POU3F3: variants seen among roughly 807,000 people sequenced by gnomAD.
POU3F3 encodes the protein POU domain, class 3, transcription factor 3.
In POU3F3, 1 loss-of-function variant was observed where a neutral mutation model predicts 8.6. That is an observed-to-expected ratio of 0.12 (90% CI 0.04 to 0.55). The LOEUF is 0.55. Among genes scored for constraint, POU3F3 ranks in the 20% least tolerant of loss-of-function variants. The pLI, the probability that POU3F3 is intolerant of heterozygous loss-of-function variation, is 0.91. For synonymous variants in POU3F3, 418 were observed against 327.4 expected, an observed-to-expected ratio of 1.28 and a Z score of -2.99; for missense variants, 577 against 690.7, an observed-to-expected ratio of 0.84 and a Z score of 1.84.
At chr2:104,869,192 C>A in the POU3F3 span, among the ~76,000 whole-genome samples, 1 of 152,142 alleles carries the variant, frequency 6.6e-6, no homozygotes, top group Non-Finnish European at 1.5e-5. Flanking sequence ...AGGTGGATTC[C>A]GGCTGGGAAA....
the POU3F3 span, among the ~76,000 whole-genome samples, chr2:104,900,102 T>C: frequency 5.9e-5 from 9 of 152,132 alleles, no homozygotes; most frequent in African/African-American, 1.9e-4. Flanking sequence ...AGGCCTTTGA[T>C]GAAAATGGGC....
At chr2:104,917,869 G>A in the POU3F3 span, among the ~76,000 whole-genome samples, 6 of 152,156 alleles carry the variant, frequency 3.9e-5, no homozygotes, top group Admixed American at 2.6e-4. Flanking sequence ...CTAAGCAGCA[G>A]AGTTGGGGAA....
the POU3F3 span, among the ~76,000 whole-genome samples, chr2:104,903,624 T>A: frequency 6.6e-6 from 1 of 152,318 alleles, no homozygotes; most frequent in Non-Finnish European, 1.5e-5. Context: ...TTAAGTCAAC[T>A]TTAACACAGA....
At chr2:104,878,036 G>T in the POU3F3 span, among the ~76,000 whole-genome samples, 4 of 152,300 alleles carry the variant, frequency 2.6e-5, no homozygotes, top group East Asian at 1.9e-4. Flanking sequence ...AGAAGGACAG[G>T]TTCCTTCACC....
chr2:104,914,561 A>G, the POU3F3 span, among the ~76,000 whole-genome samples: 2 of 152,156 alleles, frequency 1.3e-5, no homozygotes, highest in Non-Finnish European at 2.9e-5. Context: ...TATTGCTATG[A>G]AATTACATTA....
At chr2:104,899,163 A>C in the POU3F3 span, among the ~76,000 whole-genome samples, 5 of 152,216 alleles carry the variant, frequency 3.3e-5, no homozygotes, top group African/African-American at 1.2e-4. Flanking sequence ...CCTCCCTGAC[A>C]CGGGAAAATT....
At chr2:104,895,369 T>C in the POU3F3 span, among the ~76,000 whole-genome samples, 1 of 152,238 alleles carries the variant, frequency 6.6e-6, no homozygotes, top group Non-Finnish European at 1.5e-5. Flanking sequence ...TGCTGTAATT[T>C]ACAGGACTTT....
Position 104,856,080 on chromosome 2 carries a change from CGCCGCT to C in POU3F3, c.576_581del (p.Ala203_Ala204del). 9.8e-7 allele frequency: 1 copy of C among 1,015,798 alleles called. No homozygotes were observed. The highest frequency in any genetic ancestry group is 1.2e-6 in the Non-Finnish European group (1 of 857,104). 62.9% of individuals were successfully genotyped at this position (1,015,798 alleles called of 1,614,324 possible). A position where few individuals can be genotyped will look rare whatever the true frequency, so the allele number is the denominator to read the frequency against. ...GCCACCCTGGGGGCTGGGGGGCGGC[CGCCGCT>C]GCCGCAGCCGCAGCCGCCGCCGCCG... On this transcript the variant is annotated inframe_deletion, in exon 1 of 1. Coordinates refer to ENST00000361360, the MANE Select transcript of POU3F3 (RefSeq NM_006236.3).
At position 104,856,663 on chromosome 2, in the gene POU3F3, G is replaced by C; in HGVS notation, c.1153G>C (p.Glu385Gln). 6.2e-7 allele frequency: 1 copy of C among 1,614,180 alleles called. No individual in the cohort carries two copies. The highest frequency in any genetic ancestry group is 8.5e-7 in the Non-Finnish European group (1 of 1,180,040). Residue 385 changes from glutamate (E) to glutamine (Q), a missense_variant, in exon 1 of 1, where the codon GAG becomes CAG. Physicochemically the swap from Glu to Gln is conservative, Grantham distance 29. Coordinates refer to ENST00000361360, the MANE Select transcript of POU3F3 (RefSeq NM_006236.3). ...KLKPLLNKWLEEADSSTGSPT... is the reference protein window; with the variant it reads ...KLKPLLNKWLQEADSSTGSPT... ...CAAGCCGCTGCTGAACAAGTGGCTGGAGGAGGCGGACTCAAGCACCGGCAG... is the reference window on the plus strand; with the variant it reads ...CAAGCCGCTGCTGAACAAGTGGCTGCAGGAGGCGGACTCAAGCACCGGCAG...
chr2:104,906,774 G>T, the POU3F3 span, among the ~76,000 whole-genome samples: 1 of 152,132 alleles, frequency 6.6e-6, no homozygotes, highest in South Asian at 2.1e-4. Context: ...TTTCTATTGT[G>T]AATGGAATCT....
chr2:104,914,412 C>T, the POU3F3 span, among the ~76,000 whole-genome samples: 5 of 152,202 alleles, frequency 3.3e-5, no homozygotes, highest in Admixed American at 2.0e-4. Context: ...ATCATTTCTT[C>T]CCAAGCTGCA....
At chr2:104,886,984 A>C in the POU3F3 span, among the ~76,000 whole-genome samples, 17 of 152,214 alleles carry the variant, frequency 1.1e-4, no homozygotes, top group Non-Finnish European at 2.5e-4. Context: ...CCATAGACAG[A>C]GCAGCCCCGA....
chr2:104,863,017 A>C (rs1296868866), downstream of POU3F3, among the ~76,000 whole-genome samples: 5 of 151,480 alleles, frequency 3.3e-5, no homozygotes, highest in African/African-American at 1.2e-4. Context: ...TTTTTAATGG[A>C]GTTGTCTATC....
In POU3F3 at chr2:104,855,479, T is replaced by TGGCGGCGGTGGG; in HGVS notation, c.-30_-19dup. On this transcript the variant is annotated 5_prime_UTR_variant, in exon 1 of 1. Coordinates refer to ENST00000361360, the MANE Select transcript of POU3F3 (RefSeq NM_006236.3). The stretch of plus-strand genomic sequence containing the variant: ...GCTGCTGCGGCGGCGGCGGCGGTGG[T>TGGCGGCGGTGGG]GGCGGCGGTGGGGTGGCGGGAGCGG... 1.3e-6 allele frequency: 1 copy of TGGCGGCGGTGGG among 772,514 alleles called. No homozygotes were observed. Among genetic ancestry groups the TGGCGGCGGTGGG allele is most frequent in the Non-Finnish European group, 1.5e-6 (1 of 673,522 alleles). 47.9% of individuals were successfully genotyped at this position (772,514 alleles called of 1,614,324 possible).
the POU3F3 span, chr2:104,868,256 A>T: frequency 2.2e-6 from 1 of 456,576 alleles, no homozygotes; most frequent in South Asian, 1.5e-5. Flanking sequence ...AGTGGGGCTC[A>T]GCGCAGAGCG....
chr2:104,896,797 T>G, the POU3F3 span, among the ~76,000 whole-genome samples: 2 of 152,240 alleles, frequency 1.3e-5, no homozygotes. Context: ...TGAGTGAAGA[T>G]GGACTGACGT....
chr2:104,857,087 TGCCGCCGCCGCCGCCGCCGCCGCC>T lies in POU3F3; in HGVS notation c.*80_*103del. The T allele has an allele frequency of 1.0e-5, 10 of 1,002,210 alleles. No homozygotes were observed. The highest frequency in any genetic ancestry group is 1.2e-5 in the Non-Finnish European group (10 of 839,174). 62.1% of individuals were successfully genotyped at this position (1,002,210 alleles called of 1,614,324 possible). On this transcript the variant is annotated 3_prime_UTR_variant, in exon 1 of 1. Coordinates refer to ENST00000361360, the MANE Select transcript of POU3F3 (RefSeq NM_006236.3). ...CCGCCGTCAGCACCGCCGCCGCCCCTGCCGCCGCCGCCGCCGCCGCCGCCGCCGCTGCCGCCGCCGCGCCGACCC... is the reference window on the plus strand; with the variant it reads ...CCGCCGTCAGCACCGCCGCCGCCCCTGCCGCTGCCGCCGCCGCGCCGACCC...
chr2:104,900,069 G>A, the POU3F3 span, among the ~76,000 whole-genome samples: 21 of 152,352 alleles, frequency 1.4e-4, no homozygotes, highest in African/African-American at 4.1e-4. Flanking sequence ...GTTTGTCTAC[G>A]CACTGAGGGA....
At chr2:104,921,905 G>A in the POU3F3 span, among the ~76,000 whole-genome samples, 1 of 152,180 alleles carries the variant, frequency 6.6e-6, no homozygotes, top group Non-Finnish European at 1.5e-5. Context: ...GCTGAGGCAG[G>A]AGAATCACTG....
Sources: allele counts gnomAD v4.1 joint callset (sites outside exome capture counted in the v4.1 genomes callset), GRCh38; gene constraint gnomAD v4.1.1; transcripts MANE v1.5; gene names NCBI Gene and HGNC (gene_info 2026-07-23, HGNC 2026-07-21).